Variants in CDK14 observed in about 807,000 individuals in gnomAD.
The protein encoded by CDK14 is cyclin-dependent kinase 14.
CDK14 carries 34 observed loss-of-function variants against 60.7 expected under a neutral mutation model. The ratio of observed to expected loss-of-function variants is 0.56; its 90% CI spans 0.43 to 0.75. The LOEUF (loss-of-function observed/expected upper bound fraction) is 0.75. CDK14 is among the 30% of genes least tolerant of loss of function. The probability of loss-of-function intolerance (pLI) is 0.00; values close to 1 mark genes in which losing one functional copy is unlikely to be tolerated. For missense variants in CDK14, 482 were observed against 564.1 expected, an observed-to-expected ratio of 0.85 and a Z score of 1.47; for synonymous variants, 197 against 203.7, an observed-to-expected ratio of 0.97 and a Z score of 0.28.
intron 10 of CDK14, 59 bp from the exon 11 acceptor site, chr7:91,045,838 G>A: frequency 8.9e-7 from 1 of 1,125,052 alleles, no homozygotes; most frequent in Non-Finnish European, 1.4e-6. Context: ...CTACACTTGA[G>A]AATTTTGAGT....
At chr7:90,623,144 T>A (rs1350930325) in intron 2 of CDK14, among the ~76,000 whole-genome samples, 2 of 152,092 alleles carry the variant, frequency 1.3e-5, no homozygotes. Context: ...TTCCGTAATC[T>A]TTTTTCTTTA....
At chr7:90,796,972 G>T (rs966661670) in intron 5 of CDK14, among the ~76,000 whole-genome samples, 1 of 151,826 alleles carries the variant, frequency 6.6e-6, no homozygotes, top group Non-Finnish European at 1.5e-5. Context: ...GTTGTACAGT[G>T]ATGAAAAAGT....
At chr7:90,933,519 A>AG (rs1209724118) in intron 8 of CDK14, among the ~76,000 whole-genome samples, 1 of 152,190 alleles carries the variant, frequency 6.6e-6, no homozygotes, top group African/African-American at 2.4e-5. Flanking sequence ...ATGTAAACAG[A>AG]GGGCTGTAGA....
rs551846174 is a variant in CDK14 at position 90,686,039 on chromosome 7, C to T, written c.124-40528C>T. On this transcript the variant is annotated intron_variant, in intron 2 of 14. Coordinates refer to ENST00000380050, the MANE Select transcript of CDK14 (RefSeq NM_001287135.2). ...TCTACATATTGAGTTTAACAAACAG[C>T]GCAGCATAGTGTGTGTTTTTGGACA... is the stretch of plus-strand genomic sequence containing the variant. 9.2e-5 allele frequency among the ~76,000 whole-genome samples: 14 copies of T among 152,184 alleles called. No individual in the cohort carries two copies. The South Asian group carries it at 2.3e-3, about 25-fold the overall frequency.
At chr7:91,018,990 A>G (rs1796370799) in intron 10 of CDK14, among the ~76,000 whole-genome samples, 2 of 152,044 alleles carry the variant, frequency 1.3e-5, no homozygotes, top group South Asian at 4.1e-4. Context: ...ATCTCCTAAT[A>G]CCATCACATT....
intron 11 of CDK14, among the ~76,000 whole-genome samples, chr7:91,057,805 G>A (rs1161363128): frequency 1.3e-5 from 2 of 152,052 alleles, no homozygotes; most frequent in African/African-American, 2.4e-5. Flanking sequence ...TTTGGTTACT[G>A]TAGCCTTGTA....
intron 12 of CDK14, among the ~76,000 whole-genome samples, chr7:91,087,283 G>A (rs1468511745): frequency 4.6e-5 from 7 of 152,130 alleles, no homozygotes; most frequent in African/African-American, 7.2e-5. Context: ...CATCTAACAT[G>A]TTGTGTACAT....
At chr7:90,707,542 G>A (rs1801925342) in intron 2 of CDK14, among the ~76,000 whole-genome samples, 1 of 152,072 alleles carries the variant, frequency 6.6e-6, no homozygotes, top group South Asian at 2.1e-4. Context: ...GTCCTGTAGG[G>A]CTTTTCTATT....
intron 2 of CDK14, among the ~76,000 whole-genome samples, chr7:90,689,225 G>A (rs554503095): frequency 9.9e-5 from 15 of 152,200 alleles, no homozygotes; most frequent in Non-Finnish European, 1.8e-4. Context: ...AGGGATTTGT[G>A]TTTACTTTCA....
intron 2 of CDK14, among the ~76,000 whole-genome samples, chr7:90,665,052 C>T (rs920063344): frequency 2.5e-4 from 38 of 151,986 alleles, no homozygotes; most frequent in African/African-American, 8.9e-4. Context: ...GAGGCTGAGG[C>T]GGGTGAATGA....
chr7:90,737,179 G>C (rs1373063013), intron 3 of CDK14, among the ~76,000 whole-genome samples: 1 of 152,164 alleles, frequency 6.6e-6, no homozygotes, highest in Non-Finnish European at 1.5e-5. Flanking sequence ...CTCAGTAGCT[G>C]CAGTTCTTGG....
chr7:91,097,343 T>C (rs1259969228), intron 12 of CDK14, among the ~76,000 whole-genome samples: 2 of 151,658 alleles, frequency 1.3e-5, no homozygotes, highest in East Asian at 1.9e-4. Context: ...ATCGCACCAT[T>C]GCACTCCAGC....
At chr7:91,132,253 AG>A (rs1478350381) in intron 14 of CDK14, among the ~76,000 whole-genome samples, 1 of 152,210 alleles carries the variant, frequency 6.6e-6, no homozygotes, top group Non-Finnish European at 1.5e-5. Flanking sequence ...GAACAAAAGA[AG>A]GCATTGGATT....
At chr7:90,862,561 A>T (rs1791044551) in intron 5 of CDK14, among the ~76,000 whole-genome samples, 1 of 152,198 alleles carries the variant, frequency 6.6e-6, no homozygotes, top group Non-Finnish European at 1.5e-5. Context: ...ATTACAGTTG[A>T]GGATGCCAAT....
At chr7:90,701,197 A>C (rs1181659948) in intron 2 of CDK14, among the ~76,000 whole-genome samples, 4 of 152,156 alleles carry the variant, frequency 2.6e-5, no homozygotes, top group African/African-American at 9.7e-5. Context: ...TTTCTTAGCT[A>C]CTTATGTGTG....
chr7:90,963,878 G>A (rs1055629535), intron 9 of CDK14, among the ~76,000 whole-genome samples: 1 of 151,730 alleles, frequency 6.6e-6, no homozygotes, highest in Non-Finnish European at 1.5e-5. Context: ...ACCACGCCTG[G>A]CTAATTTTTG....
intron 2 of CDK14, among the ~76,000 whole-genome samples, chr7:90,613,148 G>A (rs1050915280): frequency 1.3e-5 from 2 of 152,254 alleles, no homozygotes; most frequent in East Asian, 1.9e-4. Context: ...AAATGTCTGC[G>A]TAGTGCTGTA....
At chr7:90,603,401 A>G (rs1474869452) in intron 1 of CDK14, among the ~76,000 whole-genome samples, 2 of 152,134 alleles carry the variant, frequency 1.3e-5, no homozygotes, top group Non-Finnish European at 2.9e-5. Flanking sequence ...AATACTTGCC[A>G]TTGTGTTACA....
chr7:90,619,396 T>A (rs545237448), intron 2 of CDK14, among the ~76,000 whole-genome samples: 1 of 152,336 alleles, frequency 6.6e-6, no homozygotes, highest in East Asian at 1.9e-4. Flanking sequence ...AGATTACATT[T>A]GAAAATCTCT....
Sources: allele counts gnomAD v4.1 joint callset (sites outside exome capture counted in the v4.1 genomes callset), GRCh38; gene constraint gnomAD v4.1.1; transcripts MANE v1.5; gene names NCBI Gene and HGNC (gene_info 2026-07-23, HGNC 2026-07-21).